DDX1: variants seen among roughly 807,000 people sequenced by gnomAD.
The protein encoded by DDX1 is ATP-dependent RNA helicase DDX1.
In DDX1, 28 loss-of-function variants were observed where a neutral mutation model predicts 108.7. That is an observed-to-expected ratio of 0.26 (90% CI 0.19 to 0.35). DDX1 has a LOEUF of 0.35. Ranked by LOEUF, DDX1 falls within the 10% of genes least tolerant of loss-of-function variation. DDX1 has a pLI of 1.00. For synonymous variants in DDX1, 295 were observed against 288.9 expected (o/e 1.02, Z -0.21); for missense variants, 710 against 884.5 (o/e 0.80, Z 2.50).
chr2:15,603,194 A>C lies in DDX1; in HGVS notation c.394A>C (p.Lys132Gln). ...CTCAATGTATTTTACCCTTGTAGGG[A>C]AACACTACTATGAAGTATCCTGTCA... ...CRATKGLMKG[K>Q]HYYEVSCHDQ... The change falls in exon 8 of 26, where the codon AAA becomes CAA. Residue 132 changes from lysine (K) to glutamine (Q), a missense_variant and splice_region_variant. Physicochemically the swap from Lys to Gln is moderately conservative, Grantham distance 53 (BLOSUM62 1). Around this residue, in one of 3 missense-constraint regions of DDX1, gnomAD observed 661 missense variants for 810.2 expected, o/e 0.82. Coordinates refer to ENST00000233084, the MANE Select transcript of DDX1 (RefSeq NM_004939.3). 1 of 1,607,390 alleles carries C rather than the reference A, an allele frequency of 6.2e-7. No homozygotes were observed. Among genetic ancestry groups the C allele is most frequent in the East Asian group, 2.2e-5 (1 of 44,826 alleles).
intron 13 of DDX1, among the ~76,000 whole-genome samples, chr2:15,612,259 C>T (rs1182596802): frequency 2.7e-5 from 4 of 150,088 alleles, no homozygotes; most frequent in Admixed American, 1.3e-4. Context: ...ACGGGGCGGC[C>T]GGGCAGAGAC....
At chr2:15,600,170 GTATT>G (rs1334480676) in intron 6 of DDX1, among the ~76,000 whole-genome samples, 5 of 152,174 alleles carry the variant, frequency 3.3e-5, no homozygotes, top group Admixed American at 6.5e-5. Flanking sequence ...ATAAAAGAAA[GTATT>G]TATAGGTGGA....
rs903169352 is a variant in DDX1 at position 15,628,821 on chromosome 2, G to A, written c.1857G>A (p.Val619=). The change falls in exon 23 of 26, where the codon GTG becomes GTA. Residue 619 remains valine, a synonymous_variant. Transcript: ENST00000233084. The stretch of plus-strand genomic sequence containing the variant: ...GGATGGGTCTGGCAATTTCCCTGGT[G>A]GCAACAGAAAAAGAAAAGGTAATCT... ...AERMGLAISL[V]ATEKEKVWYH... 1 of 1,613,560 alleles carries A rather than the reference G, an allele frequency of 6.2e-7. No homozygotes were observed. The highest frequency in any genetic ancestry group is 1.7e-5 in the Admixed American group (1 of 60,000).
At chr2:15,607,755 A>G (rs1456284449) in intron 13 of DDX1, among the ~76,000 whole-genome samples, 1 of 152,056 alleles carries the variant, frequency 6.6e-6, no homozygotes, top group South Asian at 2.1e-4. Context: ...GGGTTTCACT[A>G]TGTTGCTTAG....
rs1467357336 is a variant in DDX1, at chr2:15,620,160, A to G, written c.1207-48A>G. 6.7e-6 allele frequency: 10 copies of G among 1,485,778 alleles called. No individual in the cohort carries two copies. In the East Asian group the frequency reaches 1.8e-4, roughly 27 times the overall value. 92.0% of individuals were successfully genotyped at this position (1,485,778 alleles called of 1,614,324 possible). A position where few individuals can be genotyped will look rare whatever the true frequency, so the allele number is the denominator to read the frequency against. On this transcript the variant is annotated intron_variant, in intron 16 of 25. Coordinates refer to ENST00000233084, the MANE Select transcript of DDX1 (RefSeq NM_004939.3). The stretch of plus-strand genomic sequence containing the variant: ...CATATCAGTGTTTGTGTGATTTATT[A>G]ATTATTATTATAAAAGTTCATCTCA...
intron 13 of DDX1, among the ~76,000 whole-genome samples, chr2:15,607,911 ATCTC>A (rs1299077032): frequency 1.3e-5 from 2 of 152,060 alleles, no homozygotes; most frequent in Admixed American, 1.3e-4. Flanking sequence ...TCTTCCCTAA[ATCTC>A]TATAGAAAAT....
chr2:15,618,485 C>A lies in DDX1; in HGVS notation c.1206+215C>A, dbSNP rs370320834. Among the ~76,000 whole-genome samples, 35 of 152,274 alleles carry A rather than the reference C, an allele frequency of 2.3e-4. 1 individual carries two copies. The highest frequency in any genetic ancestry group is 8.4e-4 in the African/African-American group (35 of 41,550). On this transcript the variant is annotated intron_variant, in intron 16 of 25. Transcript: ENST00000233084. Reference sequence around the variant, plus strand: ...CCATGCCTCCCAAGGGTGAGCCAGGCGCGGAGTGGTGAGGCGTGTATGAGC... The same window carrying A: ...CCATGCCTCCCAAGGGTGAGCCAGGAGCGGAGTGGTGAGGCGTGTATGAGC...
rs768568187 is a variant in DDX1, at chr2:15,604,433, C to G, written c.553-4C>G. On this transcript the variant is annotated splice_polypyrimidine_tract_variant and splice_region_variant and intron_variant, in intron 9 of 25. Transcript: ENST00000233084. ...TAATAGCATTTGACTTTCTGGTGTT[C>G]TAGGAATTCACTATGCATGATACCA... The G allele has an allele frequency of 1.9e-6, 3 of 1,596,154 alleles. No individual in the cohort carries two copies. The highest frequency in any genetic ancestry group is 2.6e-6 in the Non-Finnish European group (3 of 1,165,102).
rs191143434 is a variant in DDX1 at position 15,615,113 on chromosome 2, G to A, written c.1017+1829G>A. 2.0e-4 allele frequency among the ~76,000 whole-genome samples: 31 copies of A among 152,310 alleles called. No individual in the cohort carries two copies. The East Asian group carries it at 6.0e-3, about 29-fold the overall frequency. On this transcript the variant is annotated intron_variant, in intron 14 of 25. Coordinates refer to ENST00000233084, the MANE Select transcript of DDX1 (RefSeq NM_004939.3). ...TCTCTGTCTTACATTCTCTGCTTCTGTTATCTTCCACCACACTCTGGTTCA... is the reference window on the plus strand; with the variant it reads ...TCTCTGTCTTACATTCTCTGCTTCTATTATCTTCCACCACACTCTGGTTCA...
rs745537483 is a variant in DDX1 at position 15,603,241 on chromosome 2, C to T, written c.441C>T (p.Val147=). ...GTCATGACCAAGGGTTATGCAGGGT[C>T]GGGTGGTCTACCATGCAGGCCTCTT... ...VSCHDQGLCR[V]GWSTMQASLD... Residue 147 remains valine (V), a synonymous_variant, in exon 8 of 26, where the codon GTC becomes GTT. Coordinates refer to ENST00000233084, the MANE Select transcript of DDX1 (RefSeq NM_004939.3). 2.5e-5 allele frequency: 41 copies of T among 1,613,442 alleles called. No individual in the cohort carries two copies. The East Asian group carries it at 3.8e-4, about 15-fold the overall frequency.
intron 13 of DDX1, among the ~76,000 whole-genome samples, chr2:15,609,154 G>C (rs1027975471): frequency 6.6e-6 from 1 of 152,160 alleles, no homozygotes; most frequent in African/African-American, 2.4e-5. Flanking sequence ...AAGAAACTCA[G>C]GGACGTCTTT....
chr2:15,604,862 A>G (rs1164047172), intron 10 of DDX1, among the ~76,000 whole-genome samples: 2 of 152,160 alleles, frequency 1.3e-5, no homozygotes, highest in African/African-American at 4.8e-5. Context: ...AAAAGGCTTG[A>G]TAAGGGACAT....
rs1438141015 is a variant in DDX1, at chr2:15,611,683, C to T, written c.957-1541C>T. Among the ~76,000 whole-genome samples the T allele has an allele frequency of 1.5e-3, 160 of 106,830 alleles. 1 individual carries two copies. Among genetic ancestry groups the T allele is most frequent in the African/African-American group, 8.4e-3 (150 of 17,778 alleles). 70.1% of individuals were successfully genotyped at this position (106,830 alleles called of 152,430 possible). A position where few individuals can be genotyped will look rare whatever the true frequency, so the allele number is the denominator to read the frequency against. On this transcript the variant is annotated intron_variant, in intron 13 of 25. Transcript: ENST00000233084. ...CTCCCGGACGGGGCGGCTGGCCGGG[C>T]GGGGGGCTGACCCCCCCACCTCCCT...
At chr2:15,610,007 T>G (rs4668941) in intron 13 of DDX1, among the ~76,000 whole-genome samples, 19,707 of 152,230 alleles carry the variant, frequency 0.13, 1,620 homozygotes, top group East Asian at 0.37. Context: ...GCCTCATAGC[T>G]CACTGCAGTC....
chr2:15,595,429 T>C (rs1665482339), intron 2 of DDX1, 61 bp from the exon 3 acceptor site: 1 of 1,392,258 alleles, frequency 7.2e-7, no homozygotes, highest in African/African-American at 1.4e-5. Flanking sequence ...TAACGTGACT[T>C]AATTTGCTTA....
At chr2:15,613,311 C>G in intron 14 of DDX1, 27 bp downstream of exon 14, 1 of 1,521,710 alleles carries the variant, frequency 6.6e-7, no homozygotes, top group South Asian at 1.2e-5. Context: ...ATTTTTAAAA[C>G]ATAATGTCAT....
At position 15,612,131 on chromosome 2, in the gene DDX1, C is replaced by T. The variant is rs1195185392; in HGVS notation, c.957-1093C>T. 5.7e-4 allele frequency among the ~76,000 whole-genome samples: 80 copies of T among 139,450 alleles called. 1 individual carries two copies. The highest frequency in any genetic ancestry group is 2.0e-3 in the African/African-American group (72 of 36,726). The allele number at this position is 139,450 out of a possible 152,430, so 91.5% of individuals were successfully genotyped here. On this transcript the variant is annotated intron_variant, in intron 13 of 25. Transcript: ENST00000233084. ...CTCCCGGACGGGGCGGCTGGCCGGGCGGGGGGCTGACCCCCCCCACCTCCC... is the reference window on the plus strand; with the variant it reads ...CTCCCGGACGGGGCGGCTGGCCGGGTGGGGGGCTGACCCCCCCCACCTCCC...
rs1274337822 is a variant in DDX1, at chr2:15,618,288, G to A, written c.1206+18G>A. 3.1e-6 allele frequency: 4 copies of A among 1,297,020 alleles called. No homozygotes were observed. Among genetic ancestry groups the A allele is most frequent in the Admixed American group, 1.7e-5 (1 of 57,930 alleles). 80.3% of individuals were successfully genotyped at this position (1,297,020 alleles called of 1,614,324 possible). ...GACTTCAGGTATAAAATTTATCAAT[G>A]CATCTTAAAATGCATGTAAACAATT... On this transcript the variant is annotated intron_variant, in intron 16 of 25. Transcript: ENST00000233084.
intron 14 of DDX1, among the ~76,000 whole-genome samples, chr2:15,613,866 C>A (rs1443565620): frequency 7.6e-6 from 1 of 131,464 alleles, no homozygotes; most frequent in Non-Finnish European, 1.6e-5. Context: ...GAAGGAGTTT[C>A]ACTCTTGTCG....
Sources: allele counts gnomAD v4.1 joint callset (sites outside exome capture counted in the v4.1 genomes callset), GRCh38; gene constraint gnomAD v4.1.1; regional missense constraint gnomAD v4.1.1; transcripts MANE v1.5; gene names NCBI Gene and HGNC (gene_info 2026-07-23, HGNC 2026-07-21).